Variants in ADAM12 observed in about 807,000 individuals in gnomAD.
The protein encoded by ADAM12 is disintegrin and metalloproteinase domain-containing protein 12.
In ADAM12, 70 loss-of-function variants were observed where a neutral mutation model predicts 106.4. The observed-to-expected ratio is 0.66, with a 90% confidence interval of 0.54 to 0.80. ADAM12 has a LOEUF of 0.80. ADAM12 is among the 30% of genes least tolerant of loss of function. The pLI is 0.00. For synonymous variants in ADAM12, 420 were observed against 433.5 expected, an observed-to-expected ratio of 0.97 and a Z score of 0.39; for missense variants, 1,010 against 1,171.9, an observed-to-expected ratio of 0.86 and a Z score of 2.02.
intron 5 of ADAM12, among the ~76,000 whole-genome samples, chr10:126,128,222 T>A (rs536895694): frequency 2.6e-5 from 4 of 152,108 alleles, no homozygotes; most frequent in Admixed American, 2.6e-4. Context: ...AGGTGCCAAT[T>A]CAGGAGAGGC....
At chr10:126,042,938 G>T in intron 18 of ADAM12, 102 bp downstream of exon 18, 2 of 1,156,276 alleles carry the variant, frequency 1.7e-6, no homozygotes, top group Non-Finnish European at 2.5e-6. Context: ...GTCCCCACTG[G>T]GTTTCTTGTT....
chr10:126,204,825 T>C (rs968436566), intron 3 of ADAM12, among the ~76,000 whole-genome samples: 8 of 152,188 alleles, frequency 5.3e-5, no homozygotes, highest in African/African-American at 1.9e-4. Flanking sequence ...AGATCATAAA[T>C]ATTACAGGCT....
At chr10:126,093,484 C>T (rs886528396) in intron 11 of ADAM12, among the ~76,000 whole-genome samples, 9 of 152,196 alleles carry the variant, frequency 5.9e-5, no homozygotes, top group African/African-American at 2.2e-4. Context: ...ACACTACAAA[C>T]CCCCAAGCTA....
At chr10:126,252,233 T>C (rs1388058703) in intron 3 of ADAM12, among the ~76,000 whole-genome samples, 3 of 65,240 alleles carry the variant, frequency 4.6e-5, no homozygotes, top group Non-Finnish European at 6.7e-5. Context: ...ATGGATTAGA[T>C]GGATGGATTG....
intron 2 of ADAM12, among the ~76,000 whole-genome samples, chr10:126,316,413 T>C (rs1853873574): frequency 6.6e-6 from 1 of 152,158 alleles, no homozygotes; most frequent in African/African-American, 2.4e-5. Context: ...TTCCACCCAA[T>C]AGTATCCTAG....
intron 1 of ADAM12, among the ~76,000 whole-genome samples, chr10:126,351,477 C>T (rs1225784250): frequency 6.6e-6 from 1 of 152,186 alleles, no homozygotes; most frequent in Non-Finnish European, 1.5e-5. Context: ...GATTTCCCTG[C>T]CTGACACAGA....
In ADAM12 at chr10:126,338,861, T is replaced by C. The variant is rs534481284; in HGVS notation, c.89-8352A>G. Among the ~76,000 whole-genome samples, 9 of 152,326 alleles carry C rather than the reference T, an allele frequency of 5.9e-5. No homozygotes were observed. The South Asian group carries it at 8.3e-4, about 14-fold the overall frequency. ...GATCTTAACAGCAAAACAACAAGAATGGAACCTTGTATATGTCATTAAGTC... is the reference window on the plus strand; with the variant it reads ...GATCTTAACAGCAAAACAACAAGAACGGAACCTTGTATATGTCATTAAGTC... On this transcript the variant is annotated intron_variant, in intron 1 of 22. Transcript: ENST00000448723.
chr10:126,137,987 A>G (rs943043348), intron 4 of ADAM12, among the ~76,000 whole-genome samples: 1 of 152,224 alleles, frequency 6.6e-6, no homozygotes, highest in Non-Finnish European at 1.5e-5. Context: ...TGTTTTGCCA[A>G]GCAGCTGAAC....
intron 11 of ADAM12, among the ~76,000 whole-genome samples, chr10:126,082,950 C>T (rs1050278516): frequency 5.3e-5 from 8 of 152,112 alleles, no homozygotes; most frequent in East Asian, 3.9e-4. Context: ...CAGTTATGCC[C>T]AACAATAAAA....
chr10:126,339,661 G>A (rs1397710837), intron 1 of ADAM12, among the ~76,000 whole-genome samples: 1 of 152,078 alleles, frequency 6.6e-6, no homozygotes, highest in African/African-American at 2.4e-5. Flanking sequence ...AAAACCCCAA[G>A]GCAGTAGAGT....
At chr10:126,131,758 C>G (rs1296047022) in intron 5 of ADAM12, among the ~76,000 whole-genome samples, 2 of 152,178 alleles carry the variant, frequency 1.3e-5, no homozygotes, top group Non-Finnish European at 2.9e-5. Context: ...AAATAAAATT[C>G]TATGGTTTAA....
chr10:126,272,865 CCA>C (rs1959185936), intron 3 of ADAM12: 1 of 396,528 alleles, frequency 2.5e-6, no homozygotes, highest in African/African-American at 2.1e-5. Context: ...ACAGTGTGCT[CCA>C]GTTTCTAGGA....
chr10:126,123,385 CT>C (rs1956146769), intron 5 of ADAM12, among the ~76,000 whole-genome samples: 1 of 152,224 alleles, frequency 6.6e-6, no homozygotes, highest in African/African-American at 2.4e-5. Context: ...GGGGTTCTTT[CT>C]CCCTAGGTAG....
At chr10:126,121,104 ATATATAGTATATATATAGTATATATAC>A (rs1590444072) in intron 5 of ADAM12, among the ~76,000 whole-genome samples, 1 of 68,328 alleles carries the variant, frequency 1.5e-5, no homozygotes, top group East Asian at 4.6e-4. Flanking sequence ...ATACTATATT[ATATATAGTATATATATAGTATATATAC>A]TATATACTAT....
intron 3 of ADAM12, among the ~76,000 whole-genome samples, chr10:126,267,755 G>C (rs1182355933): frequency 6.6e-6 from 1 of 151,906 alleles, no homozygotes; most frequent in Non-Finnish European, 1.5e-5. Flanking sequence ...AAGGTATTGG[G>C]GACCCCTAGC....
intron 14 of ADAM12, among the ~76,000 whole-genome samples, chr10:126,052,822 T>C (rs996737399): frequency 4.6e-5 from 7 of 152,210 alleles, no homozygotes; most frequent in Admixed American, 3.3e-4. Context: ...AAACAGTGTG[T>C]AATCAAGTAT....
In ADAM12 at chr10:126,110,327, A is replaced by G. The variant is rs148157407; in HGVS notation, c.604-487T>C. Among the ~76,000 whole-genome samples, 34 of 152,296 alleles carry G rather than the reference A, an allele frequency of 2.2e-4. No individual in the cohort carries two copies. In the East Asian group the frequency reaches 4.8e-3, roughly 22 times the overall value. On this transcript the variant is annotated intron_variant, in intron 6 of 22. Coordinates refer to ENST00000448723, the MANE Select transcript of ADAM12 (RefSeq NM_001288973.2). Reference sequence around the variant, plus strand: ...AGTGTACCTGTTTTGAGACTTAAGAAAAGTGGAGGAGAATACATTTTGAAC... The same window carrying G: ...AGTGTACCTGTTTTGAGACTTAAGAGAAGTGGAGGAGAATACATTTTGAAC...
intron 11 of ADAM12, among the ~76,000 whole-genome samples, chr10:126,080,436 T>C (rs983358290): frequency 1.3e-5 from 2 of 152,108 alleles, no homozygotes; most frequent in African/African-American, 4.8e-5. Flanking sequence ...TGCAAAGCAA[T>C]AAAACTGGAG....
intron 3 of ADAM12, among the ~76,000 whole-genome samples, chr10:126,199,145 C>A (rs1328184168): frequency 6.6e-6 from 1 of 152,138 alleles, no homozygotes; most frequent in Non-Finnish European, 1.5e-5. Context: ...AGGTTGAAGA[C>A]CCCAATAAGT....
Sources: allele counts gnomAD v4.1 joint callset (sites outside exome capture counted in the v4.1 genomes callset), GRCh38; gene constraint gnomAD v4.1.1; transcripts MANE v1.5; gene names NCBI Gene and HGNC (gene_info 2026-07-23, HGNC 2026-07-21).